The following OR1J2 variants were observed in gnomAD, a reference collection of about 807,000 sequenced individuals.
OR1J2 encodes olfactory receptor 1J2.
For missense variants in OR1J2, 304 were observed against 246.1 expected, an observed-to-expected ratio of 1.24 and a Z score of -1.57; for synonymous variants, 142 against 99.7, an observed-to-expected ratio of 1.42 and a Z score of -2.52.
downstream of OR1J2, among the ~76,000 whole-genome samples, chr9:122,515,352 T>TTGTGTGTGTGTG (rs10651846): frequency 0.091 from 12,308 of 135,604 alleles, 745 homozygotes; most frequent in East Asian, 0.2. Flanking sequence ...CAGGAGCAGG[T>TTGTGTGTGTGTG]TGTGTGTGTG....
At chr9:122,474,583 C>T in the OR1J2 span, among the ~76,000 whole-genome samples, 1 of 152,186 alleles carries the variant, frequency 6.6e-6, no homozygotes, top group African/African-American at 2.4e-5. Flanking sequence ...ACTTTTGTCA[C>T]ACCCAGACAA....
the OR1J2 span, chr9:122,477,539 G>A: frequency 1.2e-6 from 2 of 1,614,202 alleles, no homozygotes; most frequent in Non-Finnish European, 1.7e-6. Context: ...GCATAATGTA[G>A]AGGATGACAG....
At chr9:122,526,169 G>T in the OR1J2 span, among the ~76,000 whole-genome samples, 2 of 152,122 alleles carry the variant, frequency 1.3e-5, no homozygotes, top group Non-Finnish European at 2.9e-5. Context: ...GTTTATTTCA[G>T]TTAATCCTCC....
At chr9:122,459,615 G>A in the OR1J2 span, among the ~76,000 whole-genome samples, 1 of 152,150 alleles carries the variant, frequency 6.6e-6, no homozygotes, top group African/African-American at 2.4e-5. Context: ...ATGCACCGCT[G>A]GTTGTAATCC....
chr9:122,509,758 T>G (rs192900616), upstream of OR1J2, among the ~76,000 whole-genome samples: 872 of 152,268 alleles, frequency 5.7e-3, no homozygotes, highest in Middle Eastern at 0.01. Flanking sequence ...GTTGTTACAC[T>G]CTAATCTTAA....
the OR1J2 span, among the ~76,000 whole-genome samples, chr9:122,495,388 T>A: frequency 1.3e-5 from 2 of 152,130 alleles, no homozygotes; most frequent in Non-Finnish European, 2.9e-5. Flanking sequence ...TTTTTAAAAA[T>A]TATTTTTTCC....
downstream of OR1J2, among the ~76,000 whole-genome samples, chr9:122,515,384 G>T (rs1588191838): frequency 6.6e-6 from 1 of 151,714 alleles, no homozygotes. Flanking sequence ...GTGTGTGTGT[G>T]TGTGTGTATA....
At chr9:122,540,311 T>A in the OR1J2 span, among the ~76,000 whole-genome samples, 2 of 152,210 alleles carry the variant, frequency 1.3e-5, no homozygotes, top group African/African-American at 4.8e-5. Context: ...AAGGAAGGGA[T>A]CCAGTTTCAG....
the OR1J2 span, among the ~76,000 whole-genome samples, chr9:122,452,416 A>G: frequency 6.6e-6 from 1 of 152,200 alleles, no homozygotes; most frequent in South Asian, 2.1e-4. Flanking sequence ...TAGGTTGGCC[A>G]TAGTGTTCCC....
At chr9:122,553,038 C>A in the OR1J2 span, 1 of 700,638 alleles carries the variant, frequency 1.4e-6, no homozygotes, top group Non-Finnish European at 2.5e-6. Flanking sequence ...TGGGTATTTC[C>A]TTGCATTCCC....
chr9:122,543,681 A>G, the OR1J2 span, among the ~76,000 whole-genome samples: 1 of 152,220 alleles, frequency 6.6e-6, no homozygotes, highest in Non-Finnish European at 1.5e-5. Context: ...GGCTACAGGG[A>G]GAGGCCATGG....
chr9:122,573,570 G>C, the OR1J2 span, among the ~76,000 whole-genome samples: 2 of 152,070 alleles, frequency 1.3e-5, no homozygotes, highest in Admixed American at 6.5e-5. Flanking sequence ...TAAGACCTTT[G>C]GCCCGTTTTT....
chr9:122,547,372 A>G, the OR1J2 span, among the ~76,000 whole-genome samples: 2 of 152,280 alleles, frequency 1.3e-5, no homozygotes, highest in East Asian at 3.9e-4. Flanking sequence ...TTTATTTGTT[A>G]TATACTGTTT....
the OR1J2 span, among the ~76,000 whole-genome samples, chr9:122,480,736 C>T: frequency 3.3e-4 from 50 of 152,090 alleles, no homozygotes; most frequent in African/African-American, 1.2e-3. Context: ...AGTACCCATT[C>T]GTTATTTTTC....
At chr9:122,573,348 T>C in the OR1J2 span, among the ~76,000 whole-genome samples, 4 of 152,262 alleles carry the variant, frequency 2.6e-5, no homozygotes, top group African/African-American at 9.6e-5. Context: ...AAGGGAATGC[T>C]TCTCTTTCCT....
the OR1J2 span, among the ~76,000 whole-genome samples, chr9:122,493,869 A>G: frequency 6.6e-6 from 1 of 152,142 alleles, no homozygotes; most frequent in African/African-American, 2.4e-5. Flanking sequence ...CTTTTGCTGT[A>G]TCCCAGAGGT....
chr9:122,539,519 G>A, the OR1J2 span, among the ~76,000 whole-genome samples: 1 of 152,122 alleles, frequency 6.6e-6, no homozygotes, highest in Non-Finnish European at 1.5e-5. Flanking sequence ...TATCATTGTT[G>A]GACATTTGGG....
At chr9:122,563,245 T>C in the OR1J2 span, among the ~76,000 whole-genome samples, 9 of 152,024 alleles carry the variant, frequency 5.9e-5, no homozygotes, top group Non-Finnish European at 1.2e-4. Flanking sequence ...TATCTCATTG[T>C]GTTTTTAAAA....
At chr9:122,508,744 T>A (rs58190681), upstream of OR1J2, among the ~76,000 whole-genome samples, 15,223 of 152,204 alleles carry the variant, frequency 0.1, 906 homozygotes, top group Middle Eastern at 0.14. Context: ...GTCTTTCCAG[T>A]GCTGATGTAT....
Sources: allele counts gnomAD v4.1 joint callset (sites outside exome capture counted in the v4.1 genomes callset), GRCh38; gene constraint gnomAD v4.1.1; transcripts MANE v1.5; gene names NCBI Gene and HGNC (gene_info 2026-07-23, HGNC 2026-07-21).